The following PCDHA12 variants were observed in gnomAD, a reference collection of about 807,000 sequenced individuals.
The protein encoded by PCDHA12 is protocadherin alpha 12, also known as protocadherin alpha-12.
A neutral mutation model predicts 60.0 loss-of-function variants in PCDHA12; 44 were observed. That is an observed-to-expected ratio of 0.73 (90% CI 0.58 to 0.94). The LOEUF is 0.94. Among genes scored for constraint, PCDHA12 ranks in the 40% least tolerant of loss-of-function variants. The probability of loss-of-function intolerance (pLI) is 0.00; values close to 1 mark genes in which losing one functional copy is unlikely to be tolerated. For missense variants in PCDHA12, 1,276 were observed against 1,239.7 expected (o/e 1.03, Z -0.44); for synonymous variants, 569 against 553.0 (o/e 1.03, Z -0.40).
chr5:140,886,251 T>A (rs189086759), intron 1 of PCDHA12, among the ~76,000 whole-genome samples: 397 of 152,156 alleles, frequency 2.6e-3, no homozygotes, highest in Non-Finnish European at 4.1e-3. Flanking sequence ...AATAAAAGTA[T>A]CTCTATTTAT....
chr5:140,879,402 T>C (rs571790), intron 1 of PCDHA12, among the ~76,000 whole-genome samples: 2,265 of 152,304 alleles, frequency 0.015, 52 homozygotes, highest in African/African-American at 0.052. Context: ...TTTGTGTGTA[T>C]TTGAGCAGGT....
chr5:140,954,992 G>A (rs1017301016), intron 1 of PCDHA12, among the ~76,000 whole-genome samples: 1 of 152,094 alleles, frequency 6.6e-6, no homozygotes, highest in Non-Finnish European at 1.5e-5. Flanking sequence ...TTCTGCATAT[G>A]GCTAGCCAAT....
intron 1 of PCDHA12, among the ~76,000 whole-genome samples, chr5:140,961,780 C>T (rs1192795559): frequency 6.6e-6 from 1 of 152,052 alleles, no homozygotes; most frequent in African/African-American, 2.4e-5. Flanking sequence ...AGCTTAATGG[C>T]ACTTTTTAAA....
intron 1 of PCDHA12, among the ~76,000 whole-genome samples, chr5:140,959,366 C>A (rs1257331462): frequency 1.3e-5 from 2 of 151,552 alleles, no homozygotes; most frequent in African/African-American, 4.8e-5. Flanking sequence ...TGAGTGAGAC[C>A]CTGTCTCAAA....
At chr5:140,952,698 C>G (rs1020795237) in intron 1 of PCDHA12, among the ~76,000 whole-genome samples, 4 of 152,182 alleles carry the variant, frequency 2.6e-5, no homozygotes, top group Non-Finnish European at 4.4e-5. Context: ...ATAGCAATAT[C>G]CCACTCTCAG....
At chr5:140,879,483 T>C (rs2153367251) in intron 1 of PCDHA12, among the ~76,000 whole-genome samples, 1 of 152,292 alleles carries the variant, frequency 6.6e-6, no homozygotes, top group Non-Finnish European at 1.5e-5. Context: ...TGATTGGAAA[T>C]ATGGGTCTGG....
chr5:140,886,841 A>G lies in PCDHA12; in HGVS notation c.2367+9002A>G, dbSNP rs11748230. ...GACTTCGTCTTGAAAAAAAAAAAAA[A>G]AAAAAAGAAAGGTCTTCCCAACTCC... is the stretch of plus-strand genomic sequence containing the variant. On this transcript the variant is annotated intron_variant, in intron 1 of 3. Transcript: ENST00000398631. Among the ~76,000 whole-genome samples the G allele has an allele frequency of 9.0e-3, 1,368 of 151,662 alleles. 8 individuals are homozygous for G. Among genetic ancestry groups the G allele is most frequent in the Non-Finnish European group, 0.016 (1,078 of 67,864 alleles).
At chr5:140,963,871 T>A (rs2095795562) in intron 1 of PCDHA12, among the ~76,000 whole-genome samples, 1 of 152,238 alleles carries the variant, frequency 6.6e-6, no homozygotes, top group Non-Finnish European at 1.5e-5. Context: ...GAGTTTTGCT[T>A]ACTATTGTTT....
In PCDHA12 at chr5:140,917,874, C is replaced by A. The variant is rs1240832097; in HGVS notation, c.2367+40035C>A. Among the ~76,000 whole-genome samples, 13 of 151,108 alleles carry A rather than the reference C, an allele frequency of 8.6e-5. No individual in the cohort carries two copies. In the East Asian group the frequency reaches 2.5e-3, roughly 29 times the overall value. ...CTTAGGATTGCTTTGACTATTTGGG[C>A]TCTTTTTTTTTTCCATATGAATGTT... On this transcript the variant is annotated intron_variant, in intron 1 of 3. Transcript: ENST00000398631.
intron 1 of PCDHA12, among the ~76,000 whole-genome samples, chr5:140,891,067 C>G (rs2062935872): frequency 6.6e-6 from 1 of 152,096 alleles, no homozygotes; most frequent in Admixed American, 6.6e-5. Flanking sequence ...AAATATTATT[C>G]CAGTGTCTAC....
chr5:140,875,386 C>G lies in PCDHA12; in HGVS notation c.-87C>G. On this transcript the variant is annotated 5_prime_UTR_variant, in exon 1 of 4. Coordinates refer to ENST00000398631, the MANE Select transcript of PCDHA12 (RefSeq NM_018903.4). ...AAAAAATTTACTAAATATGTACTTA[C>G]AGAAAAGGGTGACTGCTCATAAAAT... The G allele has an allele frequency of 6.8e-7, 1 of 1,465,972 alleles. No individual in the cohort carries two copies. Among genetic ancestry groups the G allele is most frequent in the Non-Finnish European group, 9.0e-7 (1 of 1,109,290 alleles). The allele number at this position is 1,465,972 out of a possible 1,614,324, so 90.8% of individuals were successfully genotyped here.
At chr5:140,928,885 C>T in intron 1 of PCDHA12, 1 of 1,614,194 alleles carries the variant, frequency 6.2e-7, no homozygotes, top group Non-Finnish European at 8.5e-7. Context: ...TCAGTTACTT[C>T]CAGACTTTGA....
chr5:140,991,149 C>T (rs2097435018), intron 3 of PCDHA12, among the ~76,000 whole-genome samples: 1 of 152,092 alleles, frequency 6.6e-6, no homozygotes, highest in South Asian at 2.1e-4. Flanking sequence ...GTTTTTTGCT[C>T]ACCATTGTAT....
intron 1 of PCDHA12, among the ~76,000 whole-genome samples, chr5:140,879,173 G>A (rs1010561937): frequency 6.6e-6 from 1 of 152,278 alleles, no homozygotes; most frequent in Non-Finnish European, 1.5e-5. Context: ...AATAAATTAG[G>A]TATCAAGTAA....
At chr5:140,883,376 G>C in intron 1 of PCDHA12, 1 of 1,614,116 alleles carries the variant, frequency 6.2e-7, no homozygotes, top group Non-Finnish European at 8.5e-7. Context: ...CGCCATTATT[G>C]CCCTAATCAG....
At chr5:140,966,971 C>G (rs375161984) in intron 1 of PCDHA12, 1 of 1,602,808 alleles carries the variant, frequency 6.2e-7, no homozygotes, top group Non-Finnish European at 8.5e-7. Flanking sequence ...GGGGCTTGAG[C>G]TGCGGCGCTT....
At chr5:140,929,175 A>G (rs1554206790) in intron 1 of PCDHA12, 2 of 1,614,126 alleles carry the variant, frequency 1.2e-6, no homozygotes, top group East Asian at 4.5e-5. Flanking sequence ...CCTCTCTGGG[A>G]CTTGGTTCTG....
At chr5:140,971,682 T>C (rs782404162) in intron 1 of PCDHA12, among the ~76,000 whole-genome samples, 5 of 152,156 alleles carry the variant, frequency 3.3e-5, no homozygotes, top group Non-Finnish European at 4.4e-5. Flanking sequence ...AGTAAGGGAA[T>C]TTGTACTCAC....
At position 140,876,573 on chromosome 5, in the gene PCDHA12, C is replaced by T. The variant is rs2056433061; in HGVS notation, c.1101C>T (p.Thr367=). 1 of 1,614,152 alleles carries T rather than the reference C, an allele frequency of 6.2e-7. No homozygotes were observed. The highest frequency in any genetic ancestry group is 1.1e-5 in the South Asian group (1 of 91,090). ...TGCAAGAGGATGCTCAGGTGGGTAC[C>T]GTCATTGCCCTGATTAGCGTGTCGG... ...LPVQEDAQVG[T]VIALISVSDR... The change falls in exon 1 of 4, where the codon ACC becomes ACT. Residue 367 remains threonine (T), a synonymous_variant. Transcript: ENST00000398631.
Sources: allele counts gnomAD v4.1 joint callset (sites outside exome capture counted in the v4.1 genomes callset), GRCh38; gene constraint gnomAD v4.1.1; transcripts MANE v1.5; gene names NCBI Gene and HGNC (gene_info 2026-07-23, HGNC 2026-07-21).